The following FAM174A variants were observed in gnomAD, a reference collection of about 807,000 sequenced individuals.
FAM174A encodes membrane protein FAM174A.
A neutral mutation model predicts 14.3 loss-of-function variants in FAM174A; 14 were observed. The ratio of observed to expected loss-of-function variants is 0.98; its 90% CI spans 0.65 to 1.53. The LOEUF (loss-of-function observed/expected upper bound fraction) is 1.53, where lower values mean the gene tolerates loss of function less well. FAM174A is among the 40% of genes most tolerant of loss of function. FAM174A has a pLI of 0.00. For synonymous variants in FAM174A, 108 were observed against 111.4 expected (o/e 0.97, Z 0.19); for missense variants, 241 against 249.6 (o/e 0.97, Z 0.23).
At chr5:100,578,330 A>G (rs1746943030) in intron 2 of FAM174A, among the ~76,000 whole-genome samples, 1 of 152,136 alleles carries the variant, frequency 6.6e-6, no homozygotes, top group Non-Finnish European at 1.5e-5. Context: ...ATTCCTCCTC[A>G]TTACCAATTT....
intron 2 of FAM174A, among the ~76,000 whole-genome samples, chr5:100,583,006 C>T (rs910523183): frequency 3.3e-5 from 5 of 152,132 alleles, no homozygotes; most frequent in African/African-American, 7.2e-5. Context: ...ATATCATGAA[C>T]AGTCAATTAA....
Position 100,577,857 on chromosome 5 carries a change from T to G in FAM174A, c.570-8324T>G, listed in dbSNP as rs111486613. Among the ~76,000 whole-genome samples the G allele has an allele frequency of 3.4e-3, 518 of 152,206 alleles. 2 individuals carry two copies. Among genetic ancestry groups the G allele is most frequent in the Middle Eastern group, 0.017 (5 of 294 alleles). ...ACTTTTATATAATTTTTTCCAAAAT[T>G]TTTCTGAAGATTAAATTTGGCTATT... On this transcript the variant is annotated intron_variant, in intron 2 of 2. Transcript: ENST00000312637.
intron 2 of FAM174A, among the ~76,000 whole-genome samples, chr5:100,565,044 C>G (rs1391878577): frequency 4.6e-5 from 7 of 151,654 alleles, no homozygotes; most frequent in South Asian, 4.2e-4. Flanking sequence ...ATCCTGATAC[C>G]AAAGCCAGAC....
At chr5:100,546,610 T>C (rs1746168700) in intron 1 of FAM174A, among the ~76,000 whole-genome samples, 1 of 152,214 alleles carries the variant, frequency 6.6e-6, no homozygotes, top group South Asian at 2.1e-4. Flanking sequence ...TCTTACCAAA[T>C]AGTAAAACAA....
chr5:100,548,752 T>C (rs1746208461), intron 1 of FAM174A, among the ~76,000 whole-genome samples: 1 of 152,180 alleles, frequency 6.6e-6, no homozygotes, highest in African/African-American at 2.4e-5. Flanking sequence ...TTTAGCTTAA[T>C]GCCTGGCATA....
intron 1 of FAM174A, among the ~76,000 whole-genome samples, chr5:100,553,942 T>TTTTG (rs1231469532): frequency 7.9e-5 from 12 of 152,154 alleles, no homozygotes; most frequent in African/African-American, 2.9e-4. Flanking sequence ...TTCATATCAT[T>TTTTG]TTTGTTTGTT....
intron 2 of FAM174A, among the ~76,000 whole-genome samples, chr5:100,580,724 G>A (rs1413121052): frequency 6.6e-6 from 1 of 152,180 alleles, no homozygotes; most frequent in East Asian, 1.9e-4. Flanking sequence ...GTCCAATCAA[G>A]TTGACACTCA....
intron 1 of FAM174A, among the ~76,000 whole-genome samples, chr5:100,539,426 A>T (rs774558436): frequency 2.2e-4 from 33 of 152,170 alleles, no homozygotes; most frequent in Non-Finnish European, 4.1e-4. Context: ...TTGAATGCTT[A>T]CCCAACCCTA....
intron 2 of FAM174A, among the ~76,000 whole-genome samples, chr5:100,577,315 A>G (rs556027689): frequency 3.3e-5 from 5 of 152,238 alleles, no homozygotes; most frequent in African/African-American, 7.2e-5. Context: ...CTAAAAGCTA[A>G]TATTGCTGTC....
In FAM174A at chr5:100,535,908, C is replaced by T. The variant is rs1348608029; in HGVS notation, c.378C>T (p.Thr126=). ...GDKPMTQRAL[T]VLMVVSGAVL... Reference sequence around the variant, plus strand: ...AGCCCATGACCCAGCGGGCCCTGACCGTGTTGATGGTGGTGAGCGGCGCGG... The same window carrying T: ...AGCCCATGACCCAGCGGGCCCTGACTGTGTTGATGGTGGTGAGCGGCGCGG... The change falls in exon 1 of 3, where the codon ACC becomes ACT. Residue 126 remains threonine (T), a synonymous_variant. Coordinates refer to ENST00000312637, the MANE Select transcript of FAM174A (RefSeq NM_198507.3). The T allele has an allele frequency of 6.2e-7, 1 of 1,611,756 alleles. No individual in the cohort carries two copies. The highest frequency in any genetic ancestry group is 8.5e-7 in the Non-Finnish European group (1 of 1,178,878).
chr5:100,584,125 G>A (rs906855867), intron 2 of FAM174A, among the ~76,000 whole-genome samples: 1 of 152,180 alleles, frequency 6.6e-6, no homozygotes, highest in Non-Finnish European at 1.5e-5. Flanking sequence ...CAGAAAAAGA[G>A]TTTTCAGTGT....
chr5:100,548,025 A>G (rs154712), intron 1 of FAM174A, among the ~76,000 whole-genome samples: 85,805 of 151,760 alleles, frequency 0.57, 26,640 homozygotes, highest in African/African-American at 0.81. Flanking sequence ...TATGAACGGA[A>G]GACTTCTGTA....
chr5:100,580,691 G>C (rs1310306742), intron 2 of FAM174A, among the ~76,000 whole-genome samples: 2 of 152,156 alleles, frequency 1.3e-5, no homozygotes, highest in Non-Finnish European at 2.9e-5. Context: ...GACATACCCA[G>C]GATCAATACT....
At chr5:100,549,846 A>G (rs1471905457) in intron 1 of FAM174A, among the ~76,000 whole-genome samples, 1 of 152,144 alleles carries the variant, frequency 6.6e-6, no homozygotes, top group Admixed American at 6.6e-5. Flanking sequence ...AGTCATATAC[A>G]TTTTAATAGC....
At position 100,580,268 on chromosome 5, in the gene FAM174A, G is replaced by A. The variant is rs116401133; in HGVS notation, c.570-5913G>A. 7.2e-3 allele frequency among the ~76,000 whole-genome samples: 1,094 copies of A among 151,794 alleles called. 17 individuals are homozygous for A. Among genetic ancestry groups the A allele is most frequent in the African/African-American group, 0.025 (1,044 of 41,512 alleles). On this transcript the variant is annotated intron_variant, in intron 2 of 2. Coordinates refer to ENST00000312637, the MANE Select transcript of FAM174A (RefSeq NM_198507.3). ...TCAGAGATGTTAAAATGTGAAAAAT[G>A]TGTGTCTTATAAACTCTGAAATATA... is the stretch of plus-strand genomic sequence containing the variant.
intron 2 of FAM174A, among the ~76,000 whole-genome samples, chr5:100,564,125 T>TA (rs1746588226): frequency 6.6e-6 from 1 of 151,848 alleles, no homozygotes; most frequent in African/African-American, 2.4e-5. Flanking sequence ...AGCTCCCTGA[T>TA]ATATGCTCAG....
chr5:100,545,942 C>A (rs984382813), intron 1 of FAM174A, among the ~76,000 whole-genome samples: 1 of 151,966 alleles, frequency 6.6e-6, no homozygotes, highest in Middle Eastern at 3.2e-3. Context: ...ATACAAAAAA[C>A]CTTATAAAAT....
intron 1 of FAM174A, among the ~76,000 whole-genome samples, chr5:100,558,937 A>T: frequency 6.6e-6 from 1 of 152,124 alleles, no homozygotes; most frequent in Non-Finnish European, 1.5e-5. Context: ...GCCCATTTAC[A>T]TTTAAGGTTA....
At chr5:100,566,151 T>TATATAG (rs1746644368) in intron 2 of FAM174A, among the ~76,000 whole-genome samples, 10 of 119,998 alleles carry the variant, frequency 8.3e-5, no homozygotes, top group Non-Finnish European at 1.7e-5. Flanking sequence ...GATATATATA[T>TATATAG]ATATATATAT....
Sources: gnomAD v4.1 joint callset for allele counts (sites outside exome capture counted in the v4.1 genomes callset) on GRCh38, gnomAD v4.1.1 for gene constraint, MANE v1.5 for transcripts, NCBI Gene and HGNC (gene_info 2026-07-23, HGNC 2026-07-21) for gene names.